ZMYM4: variants seen among roughly 807,000 people sequenced by gnomAD.
The protein encoded by ZMYM4 is zinc finger MYM-type containing 4, also known as zinc finger MYM-type protein 4.
Under a neutral mutation model 183.2 loss-of-function variants are expected in ZMYM4, and 31 were observed. That is an observed-to-expected ratio of 0.17 (90% CI 0.13 to 0.23). The LOEUF (loss-of-function observed/expected upper bound fraction) is 0.23. ZMYM4 is among the 10% of genes least tolerant of loss of function. The probability of loss-of-function intolerance (pLI) is 1.00; values close to 1 mark genes in which losing one functional copy is unlikely to be tolerated. For synonymous variants in ZMYM4, 592 were observed against 631.2 expected (o/e 0.94, Z 0.93); for missense variants, 1,273 against 1,840.3 (o/e 0.69, Z 5.64).
chr1:35,387,438 G>T lies in ZMYM4; in HGVS notation c.2113-16G>T. 6.3e-7 allele frequency: 1 copy of T among 1,595,814 alleles called. No homozygotes were observed. The highest frequency in any genetic ancestry group is 1.2e-5 in the South Asian group (1 of 86,836). On this transcript the variant is annotated splice_polypyrimidine_tract_variant and intron_variant, in intron 12 of 29. Coordinates refer to ENST00000314607, the MANE Select transcript of ZMYM4 (RefSeq NM_005095.3). ...ACCAAATGTTTAATTAGTACTTAAT[G>T]ATTATTTCTTTGCAGGGCAAAATGT...
At chr1:35,277,535 A>G (rs1416775737) in intron 1 of ZMYM4, among the ~76,000 whole-genome samples, 1 of 152,158 alleles carries the variant, frequency 6.6e-6, no homozygotes, top group Non-Finnish European at 1.5e-5. Flanking sequence ...TACTAAATGG[A>G]TCATTTGGTT....
intron 7 of ZMYM4, among the ~76,000 whole-genome samples, chr1:35,373,544 A>ATTT (rs202022428): frequency 1.3e-4 from 16 of 122,810 alleles, no homozygotes; most frequent in African/African-American, 4.3e-4. Flanking sequence ...TGCACAGCTA[A>ATTT]TTTTTTTTTT....
At chr1:35,333,794 C>T (rs544594698) in intron 2 of ZMYM4, among the ~76,000 whole-genome samples, 2 of 152,058 alleles carry the variant, frequency 1.3e-5, no homozygotes, top group Non-Finnish European at 2.9e-5. Flanking sequence ...CTTTTCTCCT[C>T]CTCACTTCTC....
rs1641584771 is a variant in ZMYM4 at position 35,307,485 on chromosome 1, A to AT, written c.40-17871dup. On this transcript the variant is annotated intron_variant, in intron 1 of 29. Transcript: ENST00000314607. ...AACACATGCAGTACTTTAAAAAAAA[A>AT]TTTTAATTGTTTAAAAAAAATTTTT... 2.6e-5 allele frequency among the ~76,000 whole-genome samples: 4 copies of AT among 150,950 alleles called. No individual in the cohort carries two copies. The South Asian group carries it at 8.3e-4, about 31-fold the overall frequency.
chr1:35,341,867 A>G (rs1000872069), intron 2 of ZMYM4, among the ~76,000 whole-genome samples: 2 of 152,178 alleles, frequency 1.3e-5, no homozygotes, highest in African/African-American at 2.4e-5. Flanking sequence ...TACATTAAAA[A>G]ATATATGTTC....
chr1:35,293,089 C>A (rs1355160490), intron 1 of ZMYM4, among the ~76,000 whole-genome samples: 2 of 151,000 alleles, frequency 1.3e-5, no homozygotes, highest in Non-Finnish European at 2.9e-5. Flanking sequence ...CAGCCTCTAA[C>A]CCCTAGGCTC....
chr1:35,404,687 A>T (rs1337601418), intron 23 of ZMYM4, among the ~76,000 whole-genome samples: 1 of 152,122 alleles, frequency 6.6e-6, no homozygotes, highest in Non-Finnish European at 1.5e-5. Flanking sequence ...ACAGAATATG[A>T]TCTGTTTACA....
At chr1:35,296,652 G>T (rs895807800) in intron 1 of ZMYM4, among the ~76,000 whole-genome samples, 5 of 152,008 alleles carry the variant, frequency 3.3e-5, no homozygotes, top group South Asian at 4.2e-4. Context: ...CTCCTGTAGG[G>T]CATCTATTGC....
chr1:35,408,271 T>C (rs537110766), intron 26 of ZMYM4, 112 bp downstream of exon 26: 12 of 1,296,832 alleles, frequency 9.3e-6, no homozygotes, highest in Middle Eastern at 2.3e-4. Context: ...GGTATTTTCA[T>C]TGGAACATTG....
rs1164230200 is a variant in ZMYM4 at position 35,370,195 on chromosome 1, C to T, written c.925+82C>T. 3.9e-6 allele frequency: 6 copies of T among 1,549,452 alleles called. 1 individual carries two copies. The highest frequency in any genetic ancestry group is 3.6e-5 in the South Asian group (3 of 83,802). ...AGAAATTCTGCTTGTATTAATAAAC[C>T]AGGCAGCTCTCTCTACCCACTTAGG... On this transcript the variant is annotated intron_variant, in intron 6 of 29. Coordinates refer to ENST00000314607, the MANE Select transcript of ZMYM4 (RefSeq NM_005095.3).
In ZMYM4 at chr1:35,388,879, T is replaced by A. The variant is rs765088695; in HGVS notation, c.2264-31T>A. ...GTTGCAGAAAACTAATACTTCTACCTAATGTTAATTTTATCTTTCCTGATT... is the reference window on the plus strand; with the variant it reads ...GTTGCAGAAAACTAATACTTCTACCAAATGTTAATTTTATCTTTCCTGATT... On this transcript the variant is annotated intron_variant, in intron 13 of 29. Coordinates refer to ENST00000314607, the MANE Select transcript of ZMYM4 (RefSeq NM_005095.3). The A allele has an allele frequency of 2.9e-5, 47 of 1,605,882 alleles. 1 individual carries two copies. The South Asian group carries it at 4.8e-4, about 17-fold the overall frequency.
chr1:35,392,345 C>A lies in ZMYM4; in HGVS notation c.2721C>A (p.Val907=), dbSNP rs1196252855. ...AGCCTACAGTGAATTCTAACAGTGT[C>A]TTACAAGGTATGGCTTGATTGGAAA... The part of the protein sequence containing the change: ...AAQPTVNSNS[V]LQGAVPTVTA... The change falls in exon 16 of 30, where the codon GTC becomes GTA. Residue 907 remains valine (V), a synonymous_variant. Coordinates refer to ENST00000314607, the MANE Select transcript of ZMYM4 (RefSeq NM_005095.3). 1 of 1,613,756 alleles carries A rather than the reference C, an allele frequency of 6.2e-7. No homozygotes were observed. The highest frequency in any genetic ancestry group is 1.3e-5 in the African/African-American group (1 of 74,912).
At chr1:35,347,673 C>A (rs377679583) in intron 2 of ZMYM4, among the ~76,000 whole-genome samples, 10 of 151,984 alleles carry the variant, frequency 6.6e-5, no homozygotes, top group African/African-American at 2.4e-4. Flanking sequence ...TTATAAGTAA[C>A]AGAACTATGT....
In ZMYM4 at chr1:35,412,847, A is replaced by G. The variant is rs181729166; in HGVS notation, c.3949-1125A>G. Among the ~76,000 whole-genome samples, 428 of 152,280 alleles carry G rather than the reference A, an allele frequency of 2.8e-3. 5 individuals carry two copies. The highest frequency in any genetic ancestry group is 6.8e-3 in the Admixed American group (104 of 15,304). On this transcript the variant is annotated intron_variant, in intron 26 of 29. Transcript: ENST00000314607. ...GAAGTGGTAATTTTTGTTAGCCAGAATAAATTTAAATGGAAATAATTTTCT... is the reference window on the plus strand; with the variant it reads ...GAAGTGGTAATTTTTGTTAGCCAGAGTAAATTTAAATGGAAATAATTTTCT...
chr1:35,405,596 AT>A (rs1553181574), intron 25 of ZMYM4, 128 bp downstream of exon 25: 3 of 768,428 alleles, frequency 3.9e-6, no homozygotes, highest in Non-Finnish European at 5.9e-6. Context: ...AATTAATCTT[AT>A]CCCGTTTTAA....
chr1:35,325,444 T>C, intron 2 of ZMYM4, 39 bp downstream of exon 2: 2 of 1,578,804 alleles, frequency 1.3e-6, no homozygotes, highest in East Asian at 2.3e-5. Context: ...TGTCTTTAGA[T>C]AGAAAATGAA....
rs149209281 is a variant in ZMYM4 at position 35,375,177 on chromosome 1, T to A, written c.1181+4550T>A. ...CTTTTCTCCTACTTCTCATTTTACA[T>A]AATACTTACTTTTTGCTTCAGTCTT... On this transcript the variant is annotated intron_variant, in intron 7 of 29. Coordinates refer to ENST00000314607, the MANE Select transcript of ZMYM4 (RefSeq NM_005095.3). Among the ~76,000 whole-genome samples the A allele has an allele frequency of 2.4e-3, 366 of 152,322 alleles. 2 individuals are homozygous for A. Among genetic ancestry groups the A allele is most frequent in the African/African-American group, 7.8e-3 (325 of 41,574 alleles).
At chr1:35,419,360 A>G in intron 29 of ZMYM4, 110 bp from the exon 30 acceptor site, 1 of 1,196,674 alleles carries the variant, frequency 8.4e-7, no homozygotes, top group Non-Finnish European at 1.2e-6. Flanking sequence ...CCTTACTTTT[A>G]ATTACTTTTA....
intron 1 of ZMYM4, chr1:35,295,937 A>G (rs1486140592): frequency 1.3e-5 from 2 of 152,224 alleles, no homozygotes; most frequent in African/African-American, 2.4e-5. Flanking sequence ...GAACATCGTG[A>G]TCAATTAGCC....
Sources: gnomAD v4.1 joint callset for allele counts (sites outside exome capture counted in the v4.1 genomes callset) on GRCh38, gnomAD v4.1.1 for gene constraint, MANE v1.5 for transcripts, NCBI Gene and HGNC (gene_info 2026-07-23, HGNC 2026-07-21) for gene names.